Variants in G3BP2 observed in about 807,000 individuals in gnomAD.
The protein encoded by G3BP2 is G3BP stress granule assembly factor 2.
In G3BP2, 11 loss-of-function variants were observed where a neutral mutation model predicts 56.7. The observed-to-expected ratio is 0.19, with a 90% CI of 0.12 to 0.32. G3BP2 has a LOEUF of 0.32. Ranked by LOEUF, G3BP2 falls within the 10% of genes least tolerant of loss-of-function variation. The pLI, the probability that G3BP2 is intolerant of heterozygous loss-of-function variation, is 1.00. For synonymous variants in G3BP2, 165 were observed against 191.6 expected, an observed-to-expected ratio of 0.86 and a Z score of 1.15; for missense variants, 340 against 610.9, an observed-to-expected ratio of 0.56 and a Z score of 4.67.
intron 1 of G3BP2, chr4:75,724,049 G>C (rs377146378): frequency 1.3e-5 from 2 of 152,294 alleles, no homozygotes; most frequent in South Asian, 2.1e-4. Context: ...TGAAAATAGA[G>C]GTGTACCTGG....
In G3BP2 at chr4:75,655,789, T is replaced by C; in HGVS notation, c.524A>G (p.Tyr175Cys). ...TTACGTCACAGGGTGAGCTTCATAG[T>C]AACCACTGTTAGCATTTTCTTGCAC... is the stretch of plus-strand genomic sequence containing the variant. ...EPVQENANSG[Y>C]YEAHPVTNGI... The change falls in exon 6 of 12, where the codon TAC becomes TGC. Residue 175 changes from tyrosine to cysteine, a missense_variant. Physicochemically the swap from Tyr to Cys is radical, Grantham distance 194 (BLOSUM62 -2). Transcript: ENST00000359707. 3 of 1,587,040 alleles carry C rather than the reference T, an allele frequency of 1.9e-6. No homozygotes were observed. The highest frequency in any genetic ancestry group is 2.6e-6 in the Non-Finnish European group (3 of 1,155,310).
At chr4:75,655,300 T>A in intron 6 of G3BP2, 54 bp from the exon 7 acceptor site, 1 of 1,265,210 alleles carries the variant, frequency 7.9e-7, no homozygotes, top group Non-Finnish European at 1.1e-6. Flanking sequence ...AAGAAAAAAT[T>A]CAATTTCTCT....
intron 11 of G3BP2, 119 bp downstream of exon 11, chr4:75,646,219 C>T (rs1731199636): frequency 1.6e-6 from 1 of 619,284 alleles, no homozygotes; most frequent in Non-Finnish European, 2.9e-6. Flanking sequence ...GCATAAATAC[C>T]ATTTAATAAC....
At chr4:75,713,793 A>G (rs1719837580) in intron 3 of G3BP2, among the ~76,000 whole-genome samples, 1 of 152,216 alleles carries the variant, frequency 6.6e-6, no homozygotes, top group Non-Finnish European at 1.5e-5. Flanking sequence ...CATCTCAAAA[A>G]ACAAAAACAA....
chr4:75,663,807 C>G (rs1732764682), intron 1 of G3BP2, among the ~76,000 whole-genome samples: 1 of 4,310 alleles, frequency 2.3e-4, no homozygotes, highest in Non-Finnish European at 5.3e-4. Flanking sequence ...TGCAGTGAAC[C>G]AAGATCGCGC....
chr4:75,687,533 A>C (rs935974319), intron 3 of G3BP2, among the ~76,000 whole-genome samples: 1 of 152,242 alleles, frequency 6.6e-6, no homozygotes, highest in Non-Finnish European at 1.5e-5. Context: ...ATCTAAAAGA[A>C]TCACAGCAGA....
chr4:75,646,548 CG>C, intron 10 of G3BP2, 92 bp from the exon 11 acceptor site: 2 of 804,614 alleles, frequency 2.5e-6, no homozygotes, highest in East Asian at 5.0e-5. Context: ...GTTATCTCCC[CG>C]ATCCATTTTA....
intron 3 of G3BP2, among the ~76,000 whole-genome samples, chr4:75,693,969 A>G (rs117723142): frequency 6.6e-6 from 1 of 151,950 alleles, no homozygotes; most frequent in East Asian, 1.9e-4. Context: ...TTGAACTCCT[A>G]GTCTCAAGCA....
At chr4:75,710,365 A>G (rs1052720689) in intron 3 of G3BP2, among the ~76,000 whole-genome samples, 1 of 152,186 alleles carries the variant, frequency 6.6e-6, no homozygotes, top group African/African-American at 2.4e-5. Context: ...GGCCAGAAAC[A>G]ACTGGGAAAC....
intron 8 of G3BP2, among the ~76,000 whole-genome samples, chr4:75,653,151 T>A (rs1466596847): frequency 1.3e-5 from 2 of 151,106 alleles, no homozygotes; most frequent in African/African-American, 4.9e-5. Context: ...ATGTAGCTGA[T>A]TATGTGTCCC....
At chr4:75,704,585 C>T (rs1438385350) in intron 3 of G3BP2, among the ~76,000 whole-genome samples, 1 of 151,904 alleles carries the variant, frequency 6.6e-6, no homozygotes, top group East Asian at 1.9e-4. Flanking sequence ...TCCCAAAGTA[C>T]TAGAATAGTA....
chr4:75,690,286 C>T (rs1450554049), intron 3 of G3BP2, among the ~76,000 whole-genome samples: 2 of 151,986 alleles, frequency 1.3e-5, no homozygotes, highest in African/African-American at 2.4e-5. Context: ...ATACAAAAGC[C>T]GGGTGTGGTG....
At chr4:75,688,287 C>A (rs1718705400) in intron 3 of G3BP2, among the ~76,000 whole-genome samples, 1 of 152,192 alleles carries the variant, frequency 6.6e-6, no homozygotes, top group Non-Finnish European at 1.5e-5. Context: ...AAGTGTTCCA[C>A]CTGCCTCAGC....
intron 4 of G3BP2, among the ~76,000 whole-genome samples, chr4:75,657,267 C>A (rs571621215): frequency 4.3e-4 from 65 of 152,238 alleles, no homozygotes; most frequent in Non-Finnish European, 8.1e-4. Context: ...AGAAAAGAAA[C>A]CAAAAGAACT....
chr4:75,694,565 C>T (rs1396141796), intron 3 of G3BP2, among the ~76,000 whole-genome samples: 1 of 152,206 alleles, frequency 6.6e-6, no homozygotes, highest in Non-Finnish European at 1.5e-5. Context: ...GATCGCGCCA[C>T]TGCACTCCAG....
intron 3 of G3BP2, among the ~76,000 whole-genome samples, chr4:75,700,786 T>C (rs1428719762): frequency 6.6e-6 from 1 of 151,612 alleles, no homozygotes; most frequent in Admixed American, 6.6e-5. Flanking sequence ...ACACTATTAG[T>C]ATTTATTAAG....
At chr4:75,678,189 G>A (rs1054190782), upstream of G3BP2, among the ~76,000 whole-genome samples, 2 of 152,098 alleles carry the variant, frequency 1.3e-5, no homozygotes, top group Admixed American at 6.5e-5. Flanking sequence ...TTCTTGCTTT[G>A]TCTGTCACCT....
intron 1 of G3BP2, chr4:75,723,962 C>T (rs1377734954): frequency 6.6e-6 from 1 of 151,742 alleles, no homozygotes; most frequent in East Asian, 1.9e-4. Context: ...TGTTACTCGC[C>T]AAACTGACAC....
intron 4 of G3BP2, among the ~76,000 whole-genome samples, 180 bp downstream of exon 4, chr4:75,657,377 G>C (rs1048084163): frequency 2.6e-5 from 4 of 152,108 alleles, no homozygotes; most frequent in African/African-American, 7.2e-5. Flanking sequence ...ATCAGTATTT[G>C]ATTTTTAATT....
Sources: gnomAD v4.1 joint callset for allele counts (sites outside exome capture counted in the v4.1 genomes callset) on GRCh38, gnomAD v4.1.1 for gene constraint, MANE v1.5 for transcripts, NCBI Gene and HGNC (gene_info 2026-07-23, HGNC 2026-07-21) for gene names.